The following SLC18B1 variants were observed in gnomAD, a reference collection of about 807,000 sequenced individuals.
SLC18B1 encodes MFS-type transporter SLC18B1.
Under a neutral mutation model 53.9 loss-of-function variants are expected in SLC18B1, and 62 were observed. The ratio of observed to expected loss-of-function variants is 1.15; its 90% CI spans 0.94 to 1.42. The LOEUF (loss-of-function observed/expected upper bound fraction) is 1.42, where lower values mean the gene tolerates loss of function less well. Among genes scored for constraint, SLC18B1 ranks in the 40% most tolerant of loss-of-function variants. SLC18B1 has a pLI of 0.00. For synonymous variants in SLC18B1, 217 were observed against 200.9 expected (o/e 1.08, Z -0.68); for missense variants, 598 against 547.3 (o/e 1.09, Z -0.93).
chr6:132,779,523 T>C, intron 6 of SLC18B1, 119 bp from the exon 7 acceptor site: 1 of 1,115,412 alleles, frequency 9.0e-7, no homozygotes, highest in Non-Finnish European at 1.3e-6. Context: ...ACTCAATCTC[T>C]GAGTTTGCCT....
intron 4 of SLC18B1, among the ~76,000 whole-genome samples, chr6:132,788,377 T>TA (rs58339248): frequency 3.9e-5 from 6 of 152,210 alleles, no homozygotes; most frequent in African/African-American, 7.2e-5. Flanking sequence ...TGATTTTTTT[T>TA]AAAAGAGTTG....
chr6:132,793,068 C>G (rs1047864510), intron 2 of SLC18B1, among the ~76,000 whole-genome samples: 1 of 152,170 alleles, frequency 6.6e-6, no homozygotes, highest in Non-Finnish European at 1.5e-5. Context: ...TTGCAGTAAG[C>G]TGAGACGATG....
chr6:132,783,682 C>T (rs75357698), intron 6 of SLC18B1, among the ~76,000 whole-genome samples: 57 of 152,270 alleles, frequency 3.7e-4, no homozygotes, highest in African/African-American at 9.9e-4. Flanking sequence ...TCCAAGAAAA[C>T]CTCTCATAGA....
intron 12 of SLC18B1, 43 bp downstream of exon 12, chr6:132,770,992 TC>T (rs1780956529): frequency 1.9e-6 from 3 of 1,610,660 alleles, no homozygotes; most frequent in Non-Finnish European, 2.5e-6. Flanking sequence ...GTCAAGTTTT[TC>T]CACAAATATA....
Position 132,770,213 on chromosome 6 carries a change from T to G in SLC18B1, c.*57A>C. ...ATTTTAAAAACCCTTCCTACGGTGA[T>G]GTTTAAGGCCAGGAGCATTCATTTC... On this transcript the variant is annotated 3_prime_UTR_variant, in exon 14 of 14. Transcript: ENST00000275227. The G allele has an allele frequency of 1.4e-6, 2 of 1,418,694 alleles. No homozygotes were observed. Among genetic ancestry groups the G allele is most frequent in the Non-Finnish European group, 2.0e-6 (2 of 1,009,394 alleles). The allele number at this position is 1,418,694 out of a possible 1,614,324, so 87.9% of individuals were successfully genotyped here.
At chr6:132,777,224 C>G (rs973998500) in intron 7 of SLC18B1, among the ~76,000 whole-genome samples, 1 of 151,772 alleles carries the variant, frequency 6.6e-6, no homozygotes, top group African/African-American at 2.4e-5. Flanking sequence ...CTGGGTGACA[C>G]AGTGAGACTC....
intron 3 of SLC18B1, 77 bp from the exon 4 acceptor site, chr6:132,789,914 T>C (rs1406047739): frequency 2.0e-6 from 2 of 979,064 alleles, no homozygotes; most frequent in Non-Finnish European, 3.3e-6. Flanking sequence ...ATCCACTGTA[T>C]TGGCAAATAT....
chr6:132,791,700 C>A (rs1001488253), intron 2 of SLC18B1, among the ~76,000 whole-genome samples: 1 of 152,016 alleles, frequency 6.6e-6, no homozygotes, highest in African/African-American at 2.4e-5. Flanking sequence ...GGCTTGGGCA[C>A]GATTTAAGCC....
At position 132,769,458 on chromosome 6, in the gene SLC18B1, C is replaced by T. The variant is rs978969977; in HGVS notation, c.*812G>A. 14 of 152,160 alleles carry T rather than the reference C, an allele frequency of 9.2e-5. No homozygotes were observed. The highest frequency in any genetic ancestry group is 2.2e-4 in the African/African-American group (9 of 41,504). The allele number at this position is 152,160 out of a possible 1,614,324, so 9.4% of individuals were successfully genotyped here. On this transcript the variant is annotated 3_prime_UTR_variant, in exon 14 of 14. Coordinates refer to ENST00000275227, the MANE Select transcript of SLC18B1 (RefSeq NM_052831.3). ...GCCCTTCCCTAACAAAACAAGCATT[C>T]GCATTAGGGGAAGGAGGCTGACCTG...
intron 4 of SLC18B1, among the ~76,000 whole-genome samples, chr6:132,788,789 C>T (rs1781447408): frequency 6.9e-6 from 1 of 145,720 alleles, no homozygotes; most frequent in African/African-American, 2.6e-5. Context: ...CACCACTGCA[C>T]ACCAGCCTGG....
At chr6:132,776,179 AG>A in intron 8 of SLC18B1, 148 bp downstream of exon 8, 1 of 628,914 alleles carries the variant, frequency 1.6e-6, no homozygotes, top group Non-Finnish European at 2.7e-6. Flanking sequence ...GCTGACCCTT[AG>A]GGTGATAGAA....
At chr6:132,775,029 T>G (rs1781065931) in intron 8 of SLC18B1, among the ~76,000 whole-genome samples, 1 of 152,128 alleles carries the variant, frequency 6.6e-6, no homozygotes. Flanking sequence ...CCCCCAAAAT[T>G]TATATGTTAA....
intron 13 of SLC18B1, 54 bp from the exon 14 acceptor site, chr6:132,770,390 A>G (rs778113980): frequency 9.5e-6 from 14 of 1,470,896 alleles, no homozygotes; most frequent in Non-Finnish European, 1.3e-5. Context: ...TTAAAAACAA[A>G]CAAACAAACA....
chr6:132,785,439 G>C (rs535188423), intron 5 of SLC18B1, among the ~76,000 whole-genome samples: 3 of 152,200 alleles, frequency 2.0e-5, no homozygotes, highest in Admixed American at 6.5e-5. Context: ...TAGTTTTTAG[G>C]GACCTTAAAC....
chr6:132,775,448 G>A (rs1222687409), intron 8 of SLC18B1, among the ~76,000 whole-genome samples: 1 of 152,180 alleles, frequency 6.6e-6, no homozygotes, highest in Non-Finnish European at 1.5e-5. Flanking sequence ...GTAAGATTAT[G>A]TCTGAAAACC....
chr6:132,798,264 G>A, intron 1 of SLC18B1, 150 bp downstream of exon 1: 1 of 800,042 alleles, frequency 1.2e-6, no homozygotes, highest in African/African-American at 1.8e-5. Flanking sequence ...AGAGAGAAAA[G>A]AAACGCTGGC....
intron 13 of SLC18B1, among the ~76,000 whole-genome samples, 180 bp from the exon 14 acceptor site, chr6:132,770,516 A>G (rs1780942633): frequency 6.6e-6 from 1 of 152,162 alleles, no homozygotes; most frequent in East Asian, 1.9e-4. Context: ...CAGGCGGATC[A>G]CTTGAGGTCA....
At chr6:132,793,557 T>G (rs1290315566) in intron 2 of SLC18B1, among the ~76,000 whole-genome samples, 2 of 152,214 alleles carry the variant, frequency 1.3e-5, no homozygotes, top group Non-Finnish European at 2.9e-5. Flanking sequence ...AGGGATGAGT[T>G]GAAGACAGAG....
At chr6:132,781,443 G>C (rs1030620556) in intron 6 of SLC18B1, among the ~76,000 whole-genome samples, 1 of 151,944 alleles carries the variant, frequency 6.6e-6, no homozygotes, top group East Asian at 1.9e-4. Flanking sequence ...CTAGTCCAGT[G>C]ATCGAGAAGG....
Sources: allele counts gnomAD v4.1 joint callset (sites outside exome capture counted in the v4.1 genomes callset), GRCh38; gene constraint gnomAD v4.1.1; transcripts MANE v1.5; gene names NCBI Gene and HGNC (gene_info 2026-07-23, HGNC 2026-07-21).